Variants in GABRB1 observed in about 807,000 individuals in gnomAD.
The protein encoded by GABRB1 is gamma-aminobutyric acid type A receptor subunit beta1.
In GABRB1, 17 loss-of-function variants were observed where a neutral mutation model predicts 51.6. The ratio of observed to expected loss-of-function variants is 0.33; its 90% CI spans 0.23 to 0.49. The LOEUF is 0.49. GABRB1 is among the 20% of genes least tolerant of loss of function. The pLI is 0.99. For missense variants in GABRB1, 410 were observed against 600.6 expected (o/e 0.68, Z 3.32); for synonymous variants, 247 against 218.9 (o/e 1.13, Z -1.14).
chr4:47,117,837 A>T (rs997636029), intron 3 of GABRB1, among the ~76,000 whole-genome samples: 9 of 152,156 alleles, frequency 5.9e-5, no homozygotes, highest in African/African-American at 2.2e-4. Context: ...TGTACATAGG[A>T]TTGTTGCGAT....
intron 5 of GABRB1, among the ~76,000 whole-genome samples, chr4:47,368,843 C>T (rs567498178): frequency 6.6e-6 from 1 of 152,206 alleles, no homozygotes; most frequent in South Asian, 2.1e-4. Context: ...CATGGTGGCT[C>T]ATGCCTGTAA....
chr4:47,019,882 T>C (rs1009822586), intron 1 of GABRB1, among the ~76,000 whole-genome samples: 60 of 104,660 alleles, frequency 5.7e-4, no homozygotes, highest in African/African-American at 2.4e-3. Context: ...TTTATATATA[T>C]ATATAATATA....
chr4:47,074,749 T>C (rs1175250333), intron 3 of GABRB1, among the ~76,000 whole-genome samples: 1 of 152,154 alleles, frequency 6.6e-6, no homozygotes, highest in Non-Finnish European at 1.5e-5. Context: ...TATATAGTTG[T>C]CATAAAAAGA....
chr4:47,018,989 T>C (rs1724831289), intron 1 of GABRB1, among the ~76,000 whole-genome samples: 1 of 152,214 alleles, frequency 6.6e-6, no homozygotes, highest in Non-Finnish European at 1.5e-5. Context: ...CATGCATCAC[T>C]AGCTTTTAAG....
intron 5 of GABRB1, among the ~76,000 whole-genome samples, chr4:47,395,403 A>G (rs1012910772): frequency 6.6e-6 from 1 of 152,170 alleles, no homozygotes; most frequent in African/African-American, 2.4e-5. Context: ...ATTCGAACTC[A>G]TTCGCTAACA....
At chr4:47,188,034 A>G (rs553564133) in intron 4 of GABRB1, among the ~76,000 whole-genome samples, 1 of 152,044 alleles carries the variant, frequency 6.6e-6, no homozygotes, top group East Asian at 1.9e-4. Flanking sequence ...TTTTCAAATC[A>G]CGTATTTGTT....
intron 3 of GABRB1, among the ~76,000 whole-genome samples, chr4:47,103,671 G>A (rs1714820265): frequency 6.6e-6 from 1 of 151,848 alleles, no homozygotes; most frequent in African/African-American, 2.4e-5. Context: ...AAGATAAAAT[G>A]AATTATACGA....
At chr4:47,210,299 T>C (rs1382744640) in intron 4 of GABRB1, among the ~76,000 whole-genome samples, 1 of 152,146 alleles carries the variant, frequency 6.6e-6, no homozygotes, top group Non-Finnish European at 1.5e-5. Flanking sequence ...ATACACTCAC[T>C]AATGCCAAGA....
At chr4:47,256,059 G>A (rs1230254309) in intron 4 of GABRB1, among the ~76,000 whole-genome samples, 1 of 152,186 alleles carries the variant, frequency 6.6e-6, no homozygotes, top group East Asian at 1.9e-4. Flanking sequence ...TAGGGAGTGG[G>A]AAATCTGAAG....
intron 4 of GABRB1, among the ~76,000 whole-genome samples, chr4:47,189,399 G>A (rs891872174): frequency 6.6e-6 from 1 of 151,734 alleles, no homozygotes; most frequent in Non-Finnish European, 1.5e-5. Flanking sequence ...TGATATGGAG[G>A]ATAGAATATA....
At chr4:47,329,222 A>C (rs1725372038) in intron 5 of GABRB1, among the ~76,000 whole-genome samples, 1 of 152,020 alleles carries the variant, frequency 6.6e-6, no homozygotes, top group African/African-American at 2.4e-5. Flanking sequence ...AGAAAAATAT[A>C]AGAAGGCATA....
At chr4:47,339,548 T>C (rs1023317113) in intron 5 of GABRB1, among the ~76,000 whole-genome samples, 1 of 151,406 alleles carries the variant, frequency 6.6e-6, no homozygotes, top group Admixed American at 6.6e-5. Flanking sequence ...CATATGTGTG[T>C]GTGTGTGTGT....
At chr4:46,999,882 A>G (rs1395148911) in intron 1 of GABRB1, among the ~76,000 whole-genome samples, 1 of 152,226 alleles carries the variant, frequency 6.6e-6, no homozygotes, top group Non-Finnish European at 1.5e-5. Flanking sequence ...ACCCATGAGG[A>G]GGCATGAAGA....
intron 5 of GABRB1, among the ~76,000 whole-genome samples, chr4:47,326,158 T>A (rs1202142008): frequency 6.6e-6 from 1 of 152,220 alleles, no homozygotes; most frequent in African/African-American, 2.4e-5. Flanking sequence ...ATATGCTGTC[T>A]ATACTTCCTA....
chr4:47,032,695 G>A (rs1399932354), intron 3 of GABRB1: 4 of 712,942 alleles, frequency 5.6e-6, no homozygotes, highest in Non-Finnish European at 1.0e-5. Flanking sequence ...CAGGGGAAAC[G>A]TGCTCGGCAC....
intron 5 of GABRB1, among the ~76,000 whole-genome samples, chr4:47,397,860 A>C (rs1384522878): frequency 6.6e-6 from 1 of 152,158 alleles, no homozygotes; most frequent in Non-Finnish European, 1.5e-5. Flanking sequence ...GGTGTGAGCC[A>C]CCACACCCAG....
At chr4:47,149,152 A>G (rs1243744466) in intron 3 of GABRB1, among the ~76,000 whole-genome samples, 2 of 152,058 alleles carry the variant, frequency 1.3e-5, no homozygotes, top group African/African-American at 4.8e-5. Context: ...TATAAACAAT[A>G]TAACATAGGG....
chr4:47,191,472 T>TAG (rs1451254261), intron 4 of GABRB1, among the ~76,000 whole-genome samples: 3 of 152,110 alleles, frequency 2.0e-5, no homozygotes, highest in Non-Finnish European at 2.9e-5. Flanking sequence ...TTTCAGTCAC[T>TAG]TCCAGTGACT....
chr4:47,100,651 C>T (rs1223323401), intron 3 of GABRB1, among the ~76,000 whole-genome samples: 2 of 151,372 alleles, frequency 1.3e-5, no homozygotes, highest in Non-Finnish European at 2.9e-5. Flanking sequence ...ACTTTTGCTA[C>T]CAAATGTTGT....
Sources: allele counts gnomAD v4.1 joint callset (sites outside exome capture counted in the v4.1 genomes callset), GRCh38; gene constraint gnomAD v4.1.1; transcripts MANE v1.5; gene names NCBI Gene and HGNC (gene_info 2026-07-23, HGNC 2026-07-21).